GNB5: variants seen among roughly 807,000 people sequenced by gnomAD.
GNB5 encodes G protein subunit beta 5, also known as guanine nucleotide-binding protein subunit beta-5.
In GNB5, 37 loss-of-function variants were observed where a neutral mutation model predicts 55.3. That is an observed-to-expected ratio of 0.67 (90% confidence interval 0.51 to 0.88). The LOEUF is 0.88. Among genes scored for constraint, GNB5 ranks in the 40% least tolerant of loss-of-function variants. The pLI is 0.00. For missense variants in GNB5, 476 were observed against 515.3 expected, an observed-to-expected ratio of 0.92 and a Z score of 0.74; for synonymous variants, 219 against 198.5, an observed-to-expected ratio of 1.10 and a Z score of -0.87.
At chr15:52,150,819 G>A (rs2034076184) in intron 4 of GNB5, among the ~76,000 whole-genome samples, 1 of 152,258 alleles carries the variant, frequency 6.6e-6, no homozygotes, top group African/African-American at 2.4e-5. Context: ...CATGCAGGTT[G>A]CTGGGCAGGC....
At position 52,115,650 on chromosome 15, in the gene GNB5, A is replaced by C. The variant is rs1336410243; in HGVS notation, c.*7107T>G. ...TACCTATGTGGTTTCTGTTTTATTG[A>C]GAATAGCTAGTGACTGCTTATTATT... On this transcript the variant is annotated 3_prime_UTR_variant, in exon 13 of 13. Transcript: ENST00000261837. The C allele has an allele frequency of 6.6e-6, 1 of 152,364 alleles. No homozygotes were observed. Among genetic ancestry groups the C allele is most frequent in the African/African-American group, 2.4e-5 (1 of 41,586 alleles). 9.4% of individuals were successfully genotyped at this position (152,364 alleles called of 1,614,324 possible). A position where few individuals can be genotyped will look rare whatever the true frequency, so the allele number is the denominator to read the frequency against.
chr15:52,140,735 G>T (rs2033832582), intron 7 of GNB5, among the ~76,000 whole-genome samples: 1 of 152,172 alleles, frequency 6.6e-6, no homozygotes. Context: ...TTTTCTTTTT[G>T]CATTGGTTAA....
At chr15:52,138,035 A>G (rs776253832) in intron 7 of GNB5, 32 of 1,018,116 alleles carry the variant, frequency 3.1e-5, no homozygotes, top group Middle Eastern at 3.8e-4. Flanking sequence ...CCAGCTGCTG[A>G]TGGGATCTCT....
At chr15:52,180,407 T>G (rs1176616700) in intron 2 of GNB5, 2 of 152,336 alleles carry the variant, frequency 1.3e-5, no homozygotes, top group African/African-American at 4.8e-5. Flanking sequence ...CGCAGGTAGC[T>G]ACGGTGCTCC....
At chr15:52,158,648 CT>C (rs563293671) in intron 3 of GNB5, among the ~76,000 whole-genome samples, 257 of 144,960 alleles carry the variant, frequency 1.8e-3, no homozygotes, top group East Asian at 5.8e-3. Flanking sequence ...GCTCACCAAC[CT>C]TTTTTTTTTT....
chr15:52,184,333 T>C (rs1254537594), intron 2 of GNB5, among the ~76,000 whole-genome samples: 1 of 152,190 alleles, frequency 6.6e-6, no homozygotes, highest in East Asian at 1.9e-4. Context: ...GAGAACCTCC[T>C]TGCACACCAA....
At chr15:52,149,699 C>A in intron 5 of GNB5, 185 bp downstream of exon 5, 1 of 673,338 alleles carries the variant, frequency 1.5e-6, no homozygotes, top group Non-Finnish European at 2.7e-6. Context: ...GGAATAAATG[C>A]TGCAATGGGC....
intron 1 of GNB5, among the ~76,000 whole-genome samples, chr15:52,190,778 T>TAAAAAAAAAAAAAA (rs58614125): frequency 5.2e-5 from 5 of 96,934 alleles, no homozygotes; most frequent in African/African-American, 2.2e-4. Context: ...CTTATTTCCT[T>TAAAAAAAAAAAAAA]AAAAAAAAAA....
intron 3 of GNB5, among the ~76,000 whole-genome samples, chr15:52,163,577 C>G (rs1596092566): frequency 3.3e-5 from 5 of 152,192 alleles, no homozygotes; most frequent in Admixed American, 3.3e-4. Context: ...GTGGTCCAAA[C>G]TGGGAGGAAT....
intron 5 of GNB5, chr15:52,149,207 T>C (rs554329057): frequency 6.6e-6 from 1 of 152,624 alleles, no homozygotes; most frequent in Non-Finnish European, 1.5e-5. Flanking sequence ...CTGTTCACTA[T>C]GAGACAGAGA....
intron 1 of GNB5, among the ~76,000 whole-genome samples, chr15:52,185,881 C>T (rs1190790238): frequency 4.6e-5 from 7 of 151,680 alleles, no homozygotes; most frequent in African/African-American, 1.2e-4. Context: ...TGGGTTTAAG[C>T]GATTTTCCTG....
intron 3 of GNB5, among the ~76,000 whole-genome samples, chr15:52,155,549 T>C (rs1355332661): frequency 2.0e-5 from 3 of 152,262 alleles, no homozygotes; most frequent in Admixed American, 2.0e-4. Flanking sequence ...CTTATTGAGA[T>C]ACTGCCTATT....
In GNB5 at chr15:52,118,784, G is replaced by C. The variant is rs1376445438; in HGVS notation, c.*3973C>G. On this transcript the variant is annotated 3_prime_UTR_variant, in exon 13 of 13. Transcript: ENST00000261837. ...CTCGGGAGGCTGAGGCAGGAGAATCGCTTGAACCCAGGAGGCGGAGGTTGA... is the reference window on the plus strand; with the variant it reads ...CTCGGGAGGCTGAGGCAGGAGAATCCCTTGAACCCAGGAGGCGGAGGTTGA... 6.7e-6 allele frequency: 1 copy of C among 149,122 alleles called. No individual in the cohort carries two copies. Among genetic ancestry groups the C allele is most frequent in the African/African-American group, 2.5e-5 (1 of 40,126 alleles). The allele number at this position is 149,122 out of a possible 1,614,324, so 9.2% of individuals were successfully genotyped here. A position where few individuals can be genotyped will look rare whatever the true frequency, so the allele number is the denominator to read the frequency against.
At chr15:52,167,698 A>G (rs1316559356) in intron 3 of GNB5, among the ~76,000 whole-genome samples, 1 of 152,028 alleles carries the variant, frequency 6.6e-6, no homozygotes, top group East Asian at 1.9e-4. Context: ...GAAAAAAGAA[A>G]ACTTCAGGCC....
intron 1 of GNB5, among the ~76,000 whole-genome samples, chr15:52,190,797 A>T (rs1338706277): frequency 1.5e-4 from 2 of 13,716 alleles, no homozygotes; most frequent in South Asian, 0.012. Flanking sequence ...AAAAAAAAAA[A>T]AAAAAAAAAA....
intron 9 of GNB5, among the ~76,000 whole-genome samples, chr15:52,131,106 G>A (rs891362868): frequency 6.6e-6 from 1 of 152,208 alleles, no homozygotes; most frequent in Non-Finnish European, 1.5e-5. Flanking sequence ...GATTACAGGC[G>A]TGAGCCACGG....
intron 1 of GNB5, among the ~76,000 whole-genome samples, chr15:52,190,667 C>T (rs1245701049): frequency 1.3e-5 from 2 of 151,518 alleles, no homozygotes; most frequent in African/African-American, 4.9e-5. Flanking sequence ...GTCGGTATAA[C>T]CACTGTAGAA....
chr15:52,148,879 T>C (rs1332529797), intron 5 of GNB5, among the ~76,000 whole-genome samples: 1 of 152,198 alleles, frequency 6.6e-6, no homozygotes, highest in Non-Finnish European at 1.5e-5. Flanking sequence ...GTAATGGCTA[T>C]ATTCCCTGCC....
chr15:52,163,015 G>A (rs1192341081), intron 3 of GNB5, among the ~76,000 whole-genome samples: 1 of 152,104 alleles, frequency 6.6e-6, no homozygotes, highest in African/African-American at 2.4e-5. Context: ...ATAGCTAGTC[G>A]GGGCGACTCA....
Sources: gnomAD v4.1 joint callset for allele counts (sites outside exome capture counted in the v4.1 genomes callset) on GRCh38, gnomAD v4.1.1 for gene constraint, MANE v1.5 for transcripts, NCBI Gene and HGNC (gene_info 2026-07-23, HGNC 2026-07-21) for gene names.